Variants in NUDC observed in about 807,000 individuals in gnomAD.
NUDC encodes the protein nuclear migration protein nudC.
NUDC carries 14 observed loss-of-function variants against 45.0 expected under a neutral mutation model. The observed-to-expected ratio is 0.31, with a 90% CI of 0.21 to 0.49. The LOEUF (loss-of-function observed/expected upper bound fraction) is 0.49, where lower values mean the gene tolerates loss of function less well. Ranked by LOEUF, NUDC falls within the 20% of genes least tolerant of loss-of-function variation. The probability of loss-of-function intolerance (pLI) is 0.99; values close to 1 mark genes in which losing one functional copy is unlikely to be tolerated. For synonymous variants in NUDC, 153 were observed against 156.7 expected (o/e 0.98, Z 0.17); for missense variants, 323 against 426.2 (o/e 0.76, Z 2.13).
chr1:26,910,698 G>T (rs1447961326), intron 2 of NUDC, among the ~76,000 whole-genome samples: 4 of 152,154 alleles, frequency 2.6e-5, no homozygotes, highest in African/African-American at 9.7e-5. Flanking sequence ...ACTCCTTCCT[G>T]CCCACCCTTC....
At chr1:26,900,397 C>G in exon 1 of NUDC, 1 of 1,613,240 alleles carries the variant, frequency 6.2e-7, no homozygotes. Context: ...CCGCTCACTA[C>G]CAGGTAAACT....
intron 6 of NUDC, chr1:26,945,094 T>C: frequency 2.0e-6 from 1 of 501,676 alleles, no homozygotes; most frequent in Non-Finnish European, 3.6e-6. Flanking sequence ...AATACTGCTT[T>C]GTGTCTTAAG....
chr1:26,913,211 C>T (rs1371240541), intron 3 of NUDC, among the ~76,000 whole-genome samples: 1 of 152,090 alleles, frequency 6.6e-6, no homozygotes, highest in Admixed American at 6.5e-5. Flanking sequence ...TGCTTGAACC[C>T]AGGAGGCAGA....
At chr1:26,926,250 GT>G (rs1557673022) in intron 2 of NUDC, among the ~76,000 whole-genome samples, 4 of 152,140 alleles carry the variant, frequency 2.6e-5, no homozygotes, top group African/African-American at 9.7e-5. Flanking sequence ...TTTGCAAACC[GT>G]TTTCTGTGGC....
At chr1:26,901,485 A>C (rs887416679) in intron 1 of NUDC, among the ~76,000 whole-genome samples, 5 of 144,990 alleles carry the variant, frequency 3.4e-5, no homozygotes, top group African/African-American at 1.3e-4. Flanking sequence ...GCTCACTGCA[A>C]CCTCCGCCTC....
At chr1:26,928,675 T>C (rs996091343) in intron 2 of NUDC, among the ~76,000 whole-genome samples, 8 of 152,136 alleles carry the variant, frequency 5.3e-5, no homozygotes, top group Non-Finnish European at 1.5e-5. Context: ...GCAGTCTTGG[T>C]GACAGAGCAG....
intron 1 of NUDC, among the ~76,000 whole-genome samples, chr1:26,901,435 C>G (rs980182227): frequency 2.9e-5 from 4 of 135,964 alleles, no homozygotes; most frequent in African/African-American, 8.4e-5. Context: ...GATGGAGCCT[C>G]GCTCTGTCAT....
At chr1:26,944,344 G>A (rs1208216813) in intron 6 of NUDC, among the ~76,000 whole-genome samples, 4 of 152,024 alleles carry the variant, frequency 2.6e-5, no homozygotes, top group Non-Finnish European at 5.9e-5. Context: ...GAGTAACTGC[G>A]AGCGCCACCC....
intron 2 of NUDC, among the ~76,000 whole-genome samples, chr1:26,937,189 C>G (rs150064860): frequency 2.0e-5 from 3 of 152,168 alleles, no homozygotes; most frequent in Admixed American, 6.6e-5. Flanking sequence ...CTGGAGCCTC[C>G]GTACCCTCTC....
upstream of NUDC, among the ~76,000 whole-genome samples, chr1:26,918,572 C>CT (rs1156337137): frequency 0.01 from 1,351 of 129,288 alleles, 27 homozygotes; most frequent in African/African-American, 0.027. Context: ...CCGCACCCAG[C>CT]TTTTTTTTTT....
rs1387867968 is a variant in NUDC, at chr1:26,922,246, G to A, written c.81+317G>A. 64 of 460,798 alleles carry A rather than the reference G, an allele frequency of 1.4e-4. No homozygotes were observed. The Admixed American group carries it at 2.2e-3, about 16-fold the overall frequency. The allele number at this position is 460,798 out of a possible 1,614,324, so 28.5% of individuals were successfully genotyped here. ...GCTTCCAAGGAGCATCCCTTAGTAA[G>A]AACCGTCGCAAATATCGTGATTTGG... On this transcript the variant is annotated intron_variant, in intron 1 of 8. Transcript: ENST00000321265.
rs369572996 is a variant in NUDC, at chr1:26,945,707, G to T, written c.944+21G>T. 1.1e-5 allele frequency: 18 copies of T among 1,588,160 alleles called. No homozygotes were observed. The African/African-American group carries it at 2.1e-4, about 19-fold the overall frequency. ...AAGAAGTGAGCAATTCAGAGACGGG[G>T]TTGGGGGACCGTGGGTGCCTGGGGG... On this transcript the variant is annotated intron_variant, in intron 8 of 8. Transcript: ENST00000321265.
intron 3 of NUDC, among the ~76,000 whole-genome samples, chr1:26,914,489 G>GT (rs1470189098): frequency 2.0e-5 from 3 of 152,138 alleles, no homozygotes; most frequent in Non-Finnish European, 4.4e-5. Context: ...CTACAGGGAA[G>GT]GGAGCCAGGA....
intron 3 of NUDC, chr1:26,913,795 A>C (rs749217880): frequency 1.3e-6 from 2 of 1,538,988 alleles, no homozygotes; most frequent in Non-Finnish European, 1.8e-6. Flanking sequence ...AGGTGCACAT[A>C]GCTGGACGGG....
At chr1:26,901,544 A>G (rs1417413120) in intron 1 of NUDC, among the ~76,000 whole-genome samples, 1 of 151,468 alleles carries the variant, frequency 6.6e-6, no homozygotes, top group Non-Finnish European at 1.5e-5. Context: ...AGCTGGGACT[A>G]CAGGTGCGTG....
At chr1:26,933,403 A>T (rs1557676739) in intron 2 of NUDC, among the ~76,000 whole-genome samples, 1 of 151,756 alleles carries the variant, frequency 6.6e-6, no homozygotes, top group Admixed American at 6.6e-5. Context: ...ATCATATGGT[A>T]GTTTTTGTTT....
intron 1 of NUDC, among the ~76,000 whole-genome samples, chr1:26,922,658 C>T (rs1424581932): frequency 1.3e-5 from 2 of 152,206 alleles, no homozygotes; most frequent in East Asian, 1.9e-4. Flanking sequence ...TCAGAACTCT[C>T]ATTCTCAGAG....
At position 26,941,981 on chromosome 1, in the gene NUDC, C is replaced by A. The variant is rs377240289; in HGVS notation, c.429+163C>A. 4.6e-5 allele frequency among the ~76,000 whole-genome samples: 7 copies of A among 152,154 alleles called. No homozygotes were observed. The South Asian group carries it at 1.5e-3, about 32-fold the overall frequency. On this transcript the variant is annotated intron_variant, in intron 4 of 8. Transcript: ENST00000321265. Reference sequence around the variant, plus strand: ...TAAGATCACACTCAGAGACATTGAACCAAAGGATCCAGGTTAAAAAAATAA... The same window carrying A: ...TAAGATCACACTCAGAGACATTGAAACAAAGGATCCAGGTTAAAAAAATAA...
At chr1:26,932,415 A>G (rs1340186188) in intron 2 of NUDC, among the ~76,000 whole-genome samples, 1 of 151,760 alleles carries the variant, frequency 6.6e-6, no homozygotes, top group African/African-American at 2.4e-5. Context: ...TCCTGACCGC[A>G]TGATCCTCCT....
Sources: allele counts gnomAD v4.1 joint callset (sites outside exome capture counted in the v4.1 genomes callset), GRCh38; gene constraint gnomAD v4.1.1; transcripts MANE v1.5; gene names NCBI Gene and HGNC (gene_info 2026-07-23, HGNC 2026-07-21).